The following CCBE1 variants were observed in gnomAD, a reference collection of about 807,000 sequenced individuals.
CCBE1 encodes the protein collagen and calcium-binding EGF domain-containing protein 1.
CCBE1 carries 37 observed loss-of-function variants against 50.0 expected under a neutral mutation model. The ratio of observed to expected loss-of-function variants is 0.74; its 90% CI spans 0.57 to 0.97. The LOEUF (loss-of-function observed/expected upper bound fraction) is 0.97, where lower values mean the gene tolerates loss of function less well. Among genes scored for constraint, CCBE1 ranks in the 50% least tolerant of loss-of-function variants. The pLI, the probability that CCBE1 is intolerant of heterozygous loss-of-function variation, is 0.00. For missense variants in CCBE1, 538 were observed against 523.8 expected (o/e 1.03, Z -0.26); for synonymous variants, 234 against 203.7 (o/e 1.15, Z -1.27).
At chr18:59,669,684 A>G (rs955572580) in intron 2 of CCBE1, among the ~76,000 whole-genome samples, 2 of 152,216 alleles carry the variant, frequency 1.3e-5, no homozygotes, top group Non-Finnish European at 2.9e-5. Flanking sequence ...GGACATCATG[A>G]AGTGCTGGAG....
intron 2 of CCBE1, among the ~76,000 whole-genome samples, chr18:59,482,893 A>C (rs1912640769): frequency 8.9e-6 from 1 of 112,904 alleles, no homozygotes. Flanking sequence ...CGTTTTTAAG[A>C]AGTATTTTTT....
At position 59,435,593 on chromosome 18, in the gene CCBE1, G is replaced by C. The variant is rs933354818; in HGVS notation, c.*315C>G. On this transcript the variant is annotated 3_prime_UTR_variant, in exon 11 of 11. Transcript: ENST00000439986. ...TTAACTTCAAGAATTTATGATTTAA[G>C]ACACTGTGAGAGTACTTAAATCCAA... 2.6e-6 allele frequency: 1 copy of C among 390,098 alleles called. No individual in the cohort carries two copies. Among genetic ancestry groups the C allele is most frequent in the Non-Finnish European group, 4.8e-6 (1 of 209,332 alleles). The allele number at this position is 390,098 out of a possible 1,614,324, so 24.2% of individuals were successfully genotyped here.
At chr18:59,534,551 A>T (rs1261718201) in intron 2 of CCBE1, among the ~76,000 whole-genome samples, 1 of 152,212 alleles carries the variant, frequency 6.6e-6, no homozygotes, top group Non-Finnish European at 1.5e-5. Flanking sequence ...ATTGCTTCAA[A>T]GCAGTGATTC....
intron 2 of CCBE1, among the ~76,000 whole-genome samples, chr18:59,656,940 G>A (rs558629762): frequency 6.6e-6 from 1 of 152,240 alleles, no homozygotes; most frequent in Admixed American, 6.5e-5. Flanking sequence ...TTACTGCTAA[G>A]AAGATGAATA....
At chr18:59,438,920 C>T (rs549378815) in intron 9 of CCBE1, among the ~76,000 whole-genome samples, 28 of 152,194 alleles carry the variant, frequency 1.8e-4, no homozygotes, top group East Asian at 1.5e-3. Context: ...GAGGCTGAGA[C>T]GGGCAGATCA....
intron 2 of CCBE1, among the ~76,000 whole-genome samples, chr18:59,565,472 T>G (rs1385653936): frequency 6.6e-6 from 1 of 152,148 alleles, no homozygotes; most frequent in Non-Finnish European, 1.5e-5. Context: ...AGGGGCAGGC[T>G]GGGCCACAAT....
Position 59,521,266 on chromosome 18 carries a change from A to G in CCBE1, c.213-41028T>C, listed in dbSNP as rs892579205. ...AAAATCCCCCAACTCTGACACGGAG[A>G]TTTATCACAACAGATTTTGGATTTA... On this transcript the variant is annotated intron_variant, in intron 2 of 10. Transcript: ENST00000439986. Among the ~76,000 whole-genome samples the G allele has an allele frequency of 3.3e-5, 5 of 152,236 alleles. No individual in the cohort carries two copies. The East Asian group carries it at 9.6e-4, about 29-fold the overall frequency.
intron 9 of CCBE1, 94 bp downstream of exon 9, chr18:59,439,449 A>G: frequency 2.0e-6 from 3 of 1,467,584 alleles, no homozygotes; most frequent in Non-Finnish European, 2.9e-6. Flanking sequence ...CCTGGGTGAC[A>G]GAGCAAGACC....
chr18:59,682,866 A>C (rs923944786), intron 2 of CCBE1, among the ~76,000 whole-genome samples: 28 of 152,250 alleles, frequency 1.8e-4, no homozygotes, highest in African/African-American at 6.3e-4. Context: ...CCATGATCAT[A>C]AACAAGGTAA....
intron 2 of CCBE1, among the ~76,000 whole-genome samples, chr18:59,687,636 C>A (rs758433898): frequency 3.9e-5 from 6 of 152,160 alleles, no homozygotes; most frequent in Non-Finnish European, 8.8e-5. Flanking sequence ...CTTTGTGGAA[C>A]AAAACAGCTG....
At chr18:59,503,233 T>C (rs1913708990) in intron 2 of CCBE1, among the ~76,000 whole-genome samples, 1 of 152,182 alleles carries the variant, frequency 6.6e-6, no homozygotes, top group Admixed American at 6.5e-5. Flanking sequence ...GGCAGCGAGC[T>C]AGAAATCTGG....
intron 2 of CCBE1, among the ~76,000 whole-genome samples, chr18:59,483,449 C>A (rs995786543): frequency 3.3e-5 from 5 of 152,150 alleles, no homozygotes; most frequent in African/African-American, 1.2e-4. Context: ...ATGAGCATTT[C>A]TTTTGAAAAT....
intron 2 of CCBE1, among the ~76,000 whole-genome samples, chr18:59,624,300 T>C (rs1176397225): frequency 6.6e-6 from 1 of 152,172 alleles, no homozygotes; most frequent in Non-Finnish European, 1.5e-5. Context: ...CATTCCAAGG[T>C]TCTGACAGTA....
chr18:59,538,740 G>A (rs990075461), intron 2 of CCBE1, among the ~76,000 whole-genome samples: 10 of 152,194 alleles, frequency 6.6e-5, no homozygotes, highest in African/African-American at 2.4e-4. Context: ...AGAGGTCTGT[G>A]ATAGGCAGAC....
At position 59,579,245 on chromosome 18, in the gene CCBE1, G is replaced by A. The variant is rs140246819; in HGVS notation, c.213-99007C>T. 1.1e-3 allele frequency among the ~76,000 whole-genome samples: 168 copies of A among 152,108 alleles called. 1 individual carries two copies. The highest frequency in any genetic ancestry group is 1.7e-3 in the Admixed American group (26 of 15,272). On this transcript the variant is annotated intron_variant, in intron 2 of 10. Coordinates refer to ENST00000439986, the MANE Select transcript of CCBE1 (RefSeq NM_133459.4). ...CCTCTAGATTTGCTAAAAGTAGCTG[G>A]GAAAACAAAAGAAATACTGCAGGAA...
intron 7 of CCBE1, among the ~76,000 whole-genome samples, chr18:59,446,369 G>A (rs1910670534): frequency 6.6e-6 from 1 of 152,178 alleles, no homozygotes; most frequent in African/African-American, 2.4e-5. Context: ...GAGGAGGGTG[G>A]AGAGCACTAT....
At chr18:59,616,970 A>G (rs2053645204) in intron 2 of CCBE1, among the ~76,000 whole-genome samples, 16 of 152,116 alleles carry the variant, frequency 1.1e-4, no homozygotes. Flanking sequence ...CAGGGTTGCC[A>G]TGAGCCACCG....
At chr18:59,571,938 C>G (rs1038997975) in intron 2 of CCBE1, among the ~76,000 whole-genome samples, 3 of 152,154 alleles carry the variant, frequency 2.0e-5, no homozygotes, top group African/African-American at 7.2e-5. Context: ...ACAGTTCACC[C>G]TTTAGACTAC....
chr18:59,541,955 T>G (rs189924065), intron 2 of CCBE1, among the ~76,000 whole-genome samples: 2 of 152,114 alleles, frequency 1.3e-5, no homozygotes, highest in Non-Finnish European at 2.9e-5. Context: ...AGTGGGTGGA[T>G]AGCTTGAGCC....
Sources: gnomAD v4.1 joint callset for allele counts (sites outside exome capture counted in the v4.1 genomes callset) on GRCh38, gnomAD v4.1.1 for gene constraint, MANE v1.5 for transcripts, NCBI Gene and HGNC (gene_info 2026-07-23, HGNC 2026-07-21) for gene names.